Variants in UBOX5 observed in about 807,000 individuals in gnomAD.
UBOX5 encodes the protein U-box domain containing 5, also known as RING finger protein 37.
In UBOX5, 28 loss-of-function variants were observed where a neutral mutation model predicts 39.0. That is an observed-to-expected ratio of 0.72 (90% CI 0.53 to 0.98). The LOEUF is 0.98. Among genes scored for constraint, UBOX5 ranks in the 50% least tolerant of loss-of-function variants. The pLI, the probability that UBOX5 is intolerant of heterozygous loss-of-function variation, is 0.00. For missense variants in UBOX5, 585 were observed against 674.4 expected (o/e 0.87, Z 1.47); for synonymous variants, 283 against 275.5 (o/e 1.03, Z -0.27).
At chr20:3,141,634 G>A (rs556232307) in intron 1 of UBOX5, among the ~76,000 whole-genome samples, 5 of 150,768 alleles carry the variant, frequency 3.3e-5, no homozygotes, top group South Asian at 4.2e-4. Flanking sequence ...CAACAAGAGC[G>A]AAACTCCGTC....
rs1480548077 is a variant in UBOX5, at chr20:3,158,533, G to C, written c.-42+1233C>G. On this transcript the variant is annotated intron_variant, in intron 1 of 4. Transcript: ENST00000217173. ...CTCTCGCCCAGGCTGGAGTGCAGTG[G>C]CGCGATCTCGGCTCACTGCACACTC... 2.0e-5 allele frequency among the ~76,000 whole-genome samples: 3 copies of C among 152,098 alleles called. No homozygotes were observed. The East Asian group carries it at 5.8e-4, about 29-fold the overall frequency.
intron 1 of UBOX5, among the ~76,000 whole-genome samples, chr20:3,129,237 C>T (rs989686402): frequency 6.6e-5 from 10 of 152,310 alleles, no homozygotes; most frequent in African/African-American, 2.4e-4. Context: ...CCGTTACATG[C>T]TCCTTGGTGC....
rs1176332923 is a variant in UBOX5 at position 3,109,510 on chromosome 20, T to C, written c.*596A>G. 1 of 155,136 alleles carries C rather than the reference T, an allele frequency of 6.4e-6. No individual in the cohort carries two copies. Among genetic ancestry groups the C allele is most frequent in the Non-Finnish European group, 1.4e-5 (1 of 69,682 alleles). 9.6% of individuals were successfully genotyped at this position (155,136 alleles called of 1,614,324 possible). A position where few individuals can be genotyped will look rare whatever the true frequency, so the allele number is the denominator to read the frequency against. On this transcript the variant is annotated 3_prime_UTR_variant, in exon 5 of 5. Coordinates refer to ENST00000217173, the MANE Select transcript of UBOX5 (RefSeq NM_014948.4). ...GGAATGACAGCCTGGCAAGCTGCAGTGACTGCACACAGCTACCCTGTGAGC... is the reference window on the plus strand; with the variant it reads ...GGAATGACAGCCTGGCAAGCTGCAGCGACTGCACACAGCTACCCTGTGAGC...
intron 1 of UBOX5, among the ~76,000 whole-genome samples, chr20:3,130,781 C>CTT (rs563038445): frequency 7.2e-6 from 1 of 139,158 alleles, no homozygotes; most frequent in Non-Finnish European, 1.6e-5. Context: ...GTTGTTTTTG[C>CTT]TTTTTTTTTT....
intron 3 of UBOX5, among the ~76,000 whole-genome samples, chr20:3,116,047 G>A (rs1411282739): frequency 1.3e-5 from 2 of 152,120 alleles, no homozygotes; most frequent in African/African-American, 2.4e-5. Context: ...GAGCCACAGC[G>A]CCTGGCCTCC....
At chr20:3,151,285 A>G (rs2066621806) in intron 1 of UBOX5, among the ~76,000 whole-genome samples, 1 of 152,190 alleles carries the variant, frequency 6.6e-6, no homozygotes, top group Non-Finnish European at 1.5e-5. Context: ...GCCCAAATCT[A>G]GCTCTTCACA....
At chr20:3,112,821 C>T (rs1000828755) in intron 4 of UBOX5, among the ~76,000 whole-genome samples, 3 of 151,226 alleles carry the variant, frequency 2.0e-5, no homozygotes, top group African/African-American at 4.9e-5. Flanking sequence ...CAAAAATTAG[C>T]CGGGCGTGGT....
At chr20:3,140,156 G>A (rs2066506019) in intron 1 of UBOX5, among the ~76,000 whole-genome samples, 1 of 150,588 alleles carries the variant, frequency 6.6e-6, no homozygotes. Flanking sequence ...TGAGTAGCTG[G>A]GATTATAGGC....
Position 3,111,020 on chromosome 20 carries a change from T to G in UBOX5, c.1418-706A>C, listed in dbSNP as rs573572160. 7.9e-5 allele frequency among the ~76,000 whole-genome samples: 12 copies of G among 152,204 alleles called. No individual in the cohort carries two copies. The South Asian group carries it at 1.9e-3, about 24-fold the overall frequency. On this transcript the variant is annotated intron_variant, in intron 4 of 4. Transcript: ENST00000217173. Reference sequence around the variant, plus strand: ...CCCTCACTGCTACTGGCAGCCCTGCTCCTGACTCCTCAGTCCCCCTCCTGT... The same window carrying G: ...CCCTCACTGCTACTGGCAGCCCTGCGCCTGACTCCTCAGTCCCCCTCCTGT...
rs568015100 is a variant in UBOX5 at position 3,135,100 on chromosome 20, TATC to T, written c.-41-11697_-41-11695del. Among the ~76,000 whole-genome samples the T allele has an allele frequency of 2.2e-3, 330 of 152,306 alleles. 1 individual carries two copies. Among genetic ancestry groups the T allele is most frequent in the African/African-American group, 7.5e-3 (311 of 41,566 alleles). ...CAAATATATTTAACAAATGCATGTA[TATC>T]ATCTAATATAAAATGCATTTCTTAT... is the stretch of plus-strand genomic sequence containing the variant. On this transcript the variant is annotated intron_variant, in intron 1 of 4. Transcript: ENST00000217173.
chr20:3,114,004 G>A (rs1254583596), intron 4 of UBOX5, among the ~76,000 whole-genome samples: 3 of 152,080 alleles, frequency 2.0e-5, no homozygotes, highest in East Asian at 1.9e-4. Flanking sequence ...CGTGGTGGCG[G>A]GTGCCTGTAA....
At chr20:3,155,052 C>CAAAAA (rs11326176) in intron 1 of UBOX5, among the ~76,000 whole-genome samples, 32 of 95,728 alleles carry the variant, frequency 3.3e-4, no homozygotes, top group African/African-American at 4.6e-4. Flanking sequence ...GACACAGTCT[C>CAAAAA]AAAAAAAAAA....
chr20:3,132,454 A>C (rs371615152), intron 1 of UBOX5, among the ~76,000 whole-genome samples: 1 of 152,206 alleles, frequency 6.6e-6, no homozygotes. Flanking sequence ...AGCATTAATA[A>C]TACTCAATTT....
At chr20:3,125,172 C>T (rs369298608) in intron 1 of UBOX5, among the ~76,000 whole-genome samples, 33 of 144,934 alleles carry the variant, frequency 2.3e-4, no homozygotes, top group African/African-American at 7.3e-4. Flanking sequence ...AAGTGAGGAG[C>T]GCCACTGCCC....
intron 1 of UBOX5, among the ~76,000 whole-genome samples, chr20:3,154,478 T>A (rs2066664540): frequency 6.6e-6 from 1 of 152,088 alleles, no homozygotes; most frequent in Admixed American, 6.6e-5. Flanking sequence ...GGCCGGGAGT[T>A]TGAGACCAGC....
intron 1 of UBOX5, among the ~76,000 whole-genome samples, chr20:3,129,393 G>C (rs531220755): frequency 1.1e-3 from 173 of 152,274 alleles, no homozygotes; most frequent in Admixed American, 1.6e-3. Flanking sequence ...TAAAAATTCA[G>C]TGGCCGACTT....
In UBOX5 at chr20:3,121,459, T is replaced by C. The variant is rs753070262; in HGVS notation, c.1180A>G (p.Thr394Ala). The C allele has an allele frequency of 7.3e-5, 118 of 1,614,044 alleles. No individual in the cohort carries two copies. In the Middle Eastern group the frequency reaches 1.5e-3, roughly 20 times the overall value. ...FSATSPLVLP[T>A]TSEHTAKKMK... is the part of the protein sequence containing the mutation. ...TTCTTAGCAGTGTGCTCTGAGGTAG[T>C]GGGTAAGACCAAAGGGCTTGTGGCA... Residue 394 changes from threonine (T) to alanine (A), a missense_variant, in exon 3 of 5, where the codon ACT becomes GCT. Transcript: ENST00000217173.
Position 3,107,666 on chromosome 20 carries a change from C to A in UBOX5, c.*2440G>T, listed in dbSNP as rs1269465346. On this transcript the variant is annotated 3_prime_UTR_variant, in exon 5 of 5. Coordinates refer to ENST00000217173, the MANE Select transcript of UBOX5 (RefSeq NM_014948.4). The surrounding 1 kb of genome is among the most constrained non-coding windows in gnomAD (Gnocchi z 5.0). ...TTTCTGGCAAGGGTAGTGAAAAGAC[C>A]ACTTCCTTTTGGGGGAAGTCTTTCA... is the stretch of plus-strand genomic sequence containing the variant. 1.3e-5 allele frequency: 2 copies of A among 152,198 alleles called. No individual in the cohort carries two copies. The highest frequency in any genetic ancestry group is 2.9e-5 in the Non-Finnish European group (2 of 68,066). 9.4% of individuals were successfully genotyped at this position (152,198 alleles called of 1,614,324 possible).
rs1004259358 is a variant in UBOX5 at position 3,135,432 on chromosome 20, G to C, written c.-41-12026C>G. Among the ~76,000 whole-genome samples, 6 of 152,286 alleles carry C rather than the reference G, an allele frequency of 3.9e-5. No individual in the cohort carries two copies. In the South Asian group the frequency reaches 1.2e-3, roughly 32 times the overall value. ...GTGTGAGGCTGGTTCAGGAGATGCT[G>C]AACATGCCACTTAGCTATGGAGGTG... is the stretch of plus-strand genomic sequence containing the variant. On this transcript the variant is annotated intron_variant, in intron 1 of 4. Transcript: ENST00000217173.
Sources: allele counts gnomAD v4.1 joint callset (sites outside exome capture counted in the v4.1 genomes callset), GRCh38; gene constraint gnomAD v4.1.1; non-coding constraint Gnocchi (gnomAD v3.1); transcripts MANE v1.5; gene names NCBI Gene and HGNC (gene_info 2026-07-23, HGNC 2026-07-21).